Variants in NXPE1 observed in about 807,000 individuals in gnomAD.
The protein encoded by NXPE1 is neurexophilin and PC-esterase domain family member 1, also known as NXPE family member 1.
Under a neutral mutation model 33.3 loss-of-function variants are expected in NXPE1, and 31 were observed. That is an observed-to-expected ratio of 0.93 (90% CI 0.70 to 1.26). The LOEUF (loss-of-function observed/expected upper bound fraction) is 1.26. Among genes scored for constraint, NXPE1 ranks in the 50% most tolerant of loss-of-function variants. The pLI is 0.00. For missense variants in NXPE1, 661 were observed against 655.6 expected (o/e 1.01, Z -0.09); for synonymous variants, 229 against 231.4 (o/e 0.99, Z 0.09).
At chr11:114,544,770 G>A (rs1290818724) in intron 5 of NXPE1, among the ~76,000 whole-genome samples, 1 of 152,150 alleles carries the variant, frequency 6.6e-6, no homozygotes, top group East Asian at 1.9e-4. Context: ...ACACTGTTAA[G>A]AGGATGCAGA....
At chr11:114,538,010 G>A (rs551145697) in intron 5 of NXPE1, among the ~76,000 whole-genome samples, 147 of 152,172 alleles carry the variant, frequency 9.7e-4, no homozygotes, top group African/African-American at 3.2e-3. Context: ...GAGGCATCCC[G>A]CTACCTGACT....
chr11:114,533,855 G>A (rs1374106087), intron 5 of NXPE1, among the ~76,000 whole-genome samples: 1 of 152,222 alleles, frequency 6.6e-6, no homozygotes, highest in Non-Finnish European at 1.5e-5. Flanking sequence ...CTCCACCTCT[G>A]GGGGCAGGGC....
In NXPE1 at chr11:114,530,169, A is replaced by T; in HGVS notation, c.833+6T>A. The T allele has an allele frequency of 6.3e-7, 1 of 1,591,742 alleles. No homozygotes were observed. The highest frequency in any genetic ancestry group is 8.5e-7 in the Non-Finnish European group (1 of 1,170,482). The stretch of plus-strand genomic sequence containing the variant: ...ACTTCTCAGTATACATGAAAAGTAT[A>T]CTCACCTGTGGAAAAGGCTGTTTTC... On this transcript the variant is annotated splice_donor_region_variant and intron_variant, in intron 6 of 8. Coordinates refer to ENST00000534921, the Ensembl canonical transcript of NXPE1.
chr11:114,556,560 T>C (rs1248935987), intron 1 of NXPE1, among the ~76,000 whole-genome samples: 2 of 151,920 alleles, frequency 1.3e-5, no homozygotes, highest in African/African-American at 4.8e-5. Context: ...CAGTACACAC[T>C]GAGGTATATT....
exon 6 of NXPE1, chr11:114,530,494 A>C (rs755669473): frequency 6.2e-7 from 1 of 1,613,994 alleles, no homozygotes; most frequent in Non-Finnish European, 8.5e-7. Context: ...TGGCCCTCCC[A>C]GAACAGAGTG....
intron 5 of NXPE1, among the ~76,000 whole-genome samples, chr11:114,534,845 G>C (rs1209414730): frequency 6.6e-6 from 1 of 152,152 alleles, no homozygotes; most frequent in Admixed American, 6.5e-5. Flanking sequence ...GAACCAAGTT[G>C]GAAAACACTC....
At chr11:114,530,997 A>G in intron 5 of NXPE1, 89 bp from the exon 6 acceptor site, 1 of 1,303,492 alleles carries the variant, frequency 7.7e-7, no homozygotes, top group African/African-American at 1.5e-5. Context: ...TTTACAGTGA[A>G]TATTTGTATA....
At chr11:114,530,274 A>G (rs780008512) in exon 6 of NXPE1, 2 of 1,614,226 alleles carry the variant, frequency 1.2e-6, no homozygotes, top group Admixed American at 1.7e-5. Flanking sequence ...TTGAGGCTTC[A>G]TACAATAGAA....
At chr11:114,550,429 C>T (rs887246901) in intron 5 of NXPE1, among the ~76,000 whole-genome samples, 1 of 152,022 alleles carries the variant, frequency 6.6e-6, no homozygotes, top group East Asian at 1.9e-4. Context: ...ATTATATATA[C>T]AAATTTAGTA....
chr11:114,523,361 C>A (rs953055260), intron 7 of NXPE1, among the ~76,000 whole-genome samples: 4 of 152,176 alleles, frequency 2.6e-5, no homozygotes, highest in Admixed American at 2.0e-4. Flanking sequence ...TCTATCCTTT[C>A]TTTGACGTTC....
intron 6 of NXPE1, chr11:114,528,729 G>C (rs1222407726): frequency 3.6e-6 from 2 of 552,188 alleles, no homozygotes; most frequent in South Asian, 5.0e-5. Context: ...GAAAGTGGAG[G>C]AAGGAAGAAA....
chr11:114,542,214 C>A (rs1352478033), intron 5 of NXPE1, among the ~76,000 whole-genome samples: 1 of 151,890 alleles, frequency 6.6e-6, no homozygotes, highest in Non-Finnish European at 1.5e-5. Context: ...AATATTTTGT[C>A]AAAATTTGTA....
Position 114,526,274 on chromosome 11 carries a change from T to A in NXPE1, c.895+1566A>T, listed in dbSNP as rs142913664. On this transcript the variant is annotated intron_variant, in intron 7 of 8. Coordinates refer to ENST00000534921, the Ensembl canonical transcript of NXPE1. ...CATTGGACATCTGGACTACAGACTATAAGATGATATATTTTTGTTTTTTAA... is the reference window on the plus strand; with the variant it reads ...CATTGGACATCTGGACTACAGACTAAAAGATGATATATTTTTGTTTTTTAA... Among the ~76,000 whole-genome samples the A allele has an allele frequency of 4.3e-3, 651 of 152,334 alleles. 2 individuals carry two copies. Among genetic ancestry groups the A allele is most frequent in the Middle Eastern group, 0.038 (11 of 292 alleles).
chr11:114,550,409 A>G (rs1948436338), intron 5 of NXPE1, among the ~76,000 whole-genome samples: 1 of 152,180 alleles, frequency 6.6e-6, no homozygotes, highest in African/African-American at 2.4e-5. Flanking sequence ...GAAAATCAGA[A>G]ATAGACCTCA....
chr11:114,547,429 GA>G (rs1248093218), intron 5 of NXPE1, among the ~76,000 whole-genome samples: 3 of 152,204 alleles, frequency 2.0e-5, no homozygotes, highest in Admixed American at 1.3e-4. Context: ...AGTCTAAAGA[GA>G]AGTGACAATG....
At chr11:114,545,288 T>C (rs1948237319) in intron 5 of NXPE1, among the ~76,000 whole-genome samples, 1 of 152,256 alleles carries the variant, frequency 6.6e-6, no homozygotes, top group South Asian at 2.1e-4. Context: ...GCTTTGATCA[T>C]AGTTGCCCAA....
At chr11:114,523,090 C>T in exon 8 of NXPE1, 1 of 1,609,196 alleles carries the variant, frequency 6.2e-7, no homozygotes, top group Non-Finnish European at 8.5e-7. Context: ...TTTTTTCTCT[C>T]TCTGGTAACA....
intron 5 of NXPE1, among the ~76,000 whole-genome samples, chr11:114,533,726 C>A (rs1047730231): frequency 6.6e-6 from 1 of 152,206 alleles, no homozygotes; most frequent in Non-Finnish European, 1.5e-5. Context: ...AAGGCGGCAG[C>A]AAGACTAGGG....
chr11:114,550,562 C>A (rs1163318043), intron 5 of NXPE1, among the ~76,000 whole-genome samples: 1 of 152,028 alleles, frequency 6.6e-6, no homozygotes, highest in Non-Finnish European at 1.5e-5. Flanking sequence ...TATCTTTCAA[C>A]AGCGTAAATT....
Sources: allele counts gnomAD v4.1 joint callset (sites outside exome capture counted in the v4.1 genomes callset), GRCh38; gene constraint gnomAD v4.1.1; transcripts MANE v1.5; gene names NCBI Gene and HGNC (gene_info 2026-07-23, HGNC 2026-07-21).